The following KMT2C variants were observed in gnomAD, a reference collection of about 807,000 sequenced individuals.
The protein encoded by KMT2C is histone-lysine N-methyltransferase 2C.
KMT2C carries 88 observed loss-of-function variants against 507.9 expected under a neutral mutation model. That is an observed-to-expected ratio of 0.17 (90% CI 0.15 to 0.21). KMT2C has a LOEUF of 0.21. KMT2C is among the 10% of genes least tolerant of loss of function. The pLI, the probability that KMT2C is intolerant of heterozygous loss-of-function variation, is 1.00. For missense variants in KMT2C, 4,954 were observed against 5,957.8 expected, an observed-to-expected ratio of 0.83 and a Z score of 5.55; for synonymous variants, 2,049 against 2,080.8, an observed-to-expected ratio of 0.98 and a Z score of 0.42.
chr7:152,393,551 C>T (rs12333496), intron 1 of KMT2C, among the ~76,000 whole-genome samples: 5,712 of 152,252 alleles, frequency 0.038, 380 homozygotes, highest in African/African-American at 0.13. Flanking sequence ...AAGGAACATC[C>T]TTGCTCTCTC....
At chr7:152,294,414 CT>C (rs2096468291) in intron 6 of KMT2C, among the ~76,000 whole-genome samples, 1 of 152,134 alleles carries the variant, frequency 6.6e-6, no homozygotes, top group South Asian at 2.1e-4. Context: ...TTGACATTAG[CT>C]AACAATGTCA....
chr7:152,243,535 A>T (rs2095421114), intron 14 of KMT2C, among the ~76,000 whole-genome samples: 1 of 152,200 alleles, frequency 6.6e-6, no homozygotes, highest in African/African-American at 2.4e-5. Flanking sequence ...TAATCCCAGC[A>T]CTTTGGGAGG....
intron 1 of KMT2C, among the ~76,000 whole-genome samples, chr7:152,364,330 G>A (rs777690365): frequency 1.6e-4 from 24 of 152,180 alleles, no homozygotes; most frequent in Admixed American, 4.6e-4. Context: ...ATTTCAGGCC[G>A]GGTGTGGTGG....
rs540078472 is a variant in KMT2C, at chr7:152,421,910, A to G, written c.161+13716T>C. Among the ~76,000 whole-genome samples the G allele has an allele frequency of 6.6e-5, 10 of 152,314 alleles. No individual in the cohort carries two copies. In the East Asian group the frequency reaches 1.7e-3, roughly 26 times the overall value. On this transcript the variant is annotated intron_variant, in intron 1 of 58. Transcript: ENST00000262189. ...AAAATAAAAGCTGGAAGGAAAAAAA[A>G]CAAGTGGGAACTCAGGTTTATTAGA...
chr7:152,305,730 C>T (rs904228003), intron 6 of KMT2C, among the ~76,000 whole-genome samples: 1 of 152,130 alleles, frequency 6.6e-6, no homozygotes, highest in African/African-American at 2.4e-5. Flanking sequence ...TTCTTAGGAG[C>T]TCCTTCAGGT....
chr7:152,388,172 AT>A (rs1444893055), intron 1 of KMT2C, among the ~76,000 whole-genome samples: 1 of 152,244 alleles, frequency 6.6e-6, no homozygotes, highest in East Asian at 1.9e-4. Context: ...AATATATATA[AT>A]TTCATTAATT....
chr7:152,197,491 T>C (rs942174148), intron 27 of KMT2C, among the ~76,000 whole-genome samples: 6 of 152,206 alleles, frequency 3.9e-5, no homozygotes, highest in African/African-American at 1.2e-4. Flanking sequence ...ATATGTAACA[T>C]ATCACATTAA....
At position 152,163,402 on chromosome 7, in the gene KMT2C, C is replaced by T; in HGVS notation, c.10175G>A (p.Ser3392Asn). The T allele has an allele frequency of 6.2e-7, 1 of 1,614,210 alleles. No individual in the cohort carries two copies. The highest frequency in any genetic ancestry group is 1.1e-5 in the South Asian group (1 of 91,084). ...ACGTTCCCGTTCTTGAAAACTTTCACTAAAGGGATTGTTGTCATCAAATTC... is the reference window on the plus strand; with the variant it reads ...ACGTTCCCGTTCTTGAAAACTTTCATTAAAGGGATTGTTGTCATCAAATTC... ...RVEFDDNNPF[S>N]ESFQERERKE... Residue 3392 changes from serine (S) to asparagine (N), a missense_variant, in exon 43 of 59, where the codon AGT becomes AAT. Coordinates refer to ENST00000262189, the MANE Select transcript of KMT2C (RefSeq NM_170606.3).
At chr7:152,376,979 G>C (rs2097333242) in intron 1 of KMT2C, among the ~76,000 whole-genome samples, 1 of 152,084 alleles carries the variant, frequency 6.6e-6, no homozygotes, top group Non-Finnish European at 1.5e-5. Flanking sequence ...GAGCCCAGGA[G>C]TTCAAGGCCA....
chr7:152,258,972 T>C lies in KMT2C; in HGVS notation c.1299+4044A>G, dbSNP rs2095709994. Reference sequence around the variant, plus strand: ...CAACAGCCTGACCAGGTGATTCCCATGAGGGAAAGTGGAATAATGTGTGCT... The same window carrying C: ...CAACAGCCTGACCAGGTGATTCCCACGAGGGAAAGTGGAATAATGTGTGCT... On this transcript the variant is annotated intron_variant, in intron 9 of 58. Coordinates refer to ENST00000262189, the MANE Select transcript of KMT2C (RefSeq NM_170606.3). Among the ~76,000 whole-genome samples the C allele has an allele frequency of 2.6e-5, 4 of 152,246 alleles. 1 individual carries two copies. In the South Asian group the frequency reaches 8.3e-4, roughly 32 times the overall value.
rs1021421694 is a variant in KMT2C at position 152,177,984 on chromosome 7, C to T, written c.7469G>A (p.Gly2490Asp). The change falls in exon 38 of 59, where the codon GGT becomes GAT. Residue 2490 changes from glycine (G) to aspartate (D), a missense_variant. By Grantham distance (94) the Gly-to-Asp change is moderately conservative. Coordinates refer to ENST00000262189, the MANE Select transcript of KMT2C (RefSeq NM_170606.3). Reference protein sequence around the residue: ...FRFGFPGGSHGTMPSQERFLV... With the variant: ...FRFGFPGGSHDTMPSQERFLV... The stretch of plus-strand genomic sequence containing the variant: ...GAAGCGCTCTTGACTCGGCATGGTA[C>T]CATGACTACCTCCTGGAAATCCAAA... The T allele has an allele frequency of 7.5e-5, 88 of 1,179,304 alleles. No individual in the cohort carries two copies. Among genetic ancestry groups the T allele is most frequent in the Non-Finnish European group, 9.0e-5 (82 of 912,626 alleles). 73.1% of individuals were successfully genotyped at this position (1,179,304 alleles called of 1,614,324 possible).
Position 152,148,331 on chromosome 7 carries a change from C to T in KMT2C, c.13596G>A (p.Val4532=), listed in dbSNP as rs1354091510. The T allele has an allele frequency of 2.5e-6, 4 of 1,614,262 alleles. No homozygotes were observed. The East Asian group carries it at 8.9e-5, about 36-fold the overall frequency. ...FRRVYVQRDE[V]RQIASIVQRG... is the part of the protein sequence containing the mutation. ...GTTGCACGATGCTAGCAATCTGTCGCACCTCATCACGCTGAACATAGACCC... is the reference window on the plus strand; with the variant it reads ...GTTGCACGATGCTAGCAATCTGTCGTACCTCATCACGCTGAACATAGACCC... The change falls in exon 52 of 59, where the codon GTG becomes GTA. Residue 4532 remains valine (V), a synonymous_variant. Coordinates refer to ENST00000262189, the MANE Select transcript of KMT2C (RefSeq NM_170606.3). This position sits in a 1 kb window ranked among gnomAD's most constrained non-coding sequence, Gnocchi z 7.1.
intron 55 of KMT2C, among the ~76,000 whole-genome samples, chr7:152,143,622 A>G (rs2129091983): frequency 6.6e-6 from 1 of 152,358 alleles, no homozygotes; most frequent in South Asian, 2.1e-4. Flanking sequence ...CAGAACTTGC[A>G]AAAGAATGAA....
chr7:152,173,449 G>A (rs972722325), intron 39 of KMT2C, among the ~76,000 whole-genome samples: 2 of 152,072 alleles, frequency 1.3e-5, no homozygotes, highest in African/African-American at 4.8e-5. Flanking sequence ...TATTTAGTAG[G>A]TCTGCAGTAG....
At chr7:152,221,406 A>T (rs537080402) in intron 22 of KMT2C, among the ~76,000 whole-genome samples, 2 of 152,256 alleles carry the variant, frequency 1.3e-5, no homozygotes, top group African/African-American at 4.8e-5. Context: ...AGAAGAGAGA[A>T]TACTCCAGAA....
At chr7:152,255,157 A>ATATATGTG (rs767823858) in intron 9 of KMT2C, among the ~76,000 whole-genome samples, 13 of 128,376 alleles carry the variant, frequency 1.0e-4, no homozygotes, top group African/African-American at 3.6e-4. Flanking sequence ...ATATATATAT[A>ATATATGTG]TGTGTGTGTG....
chr7:152,300,836 G>A (rs2129192935), intron 6 of KMT2C, among the ~76,000 whole-genome samples: 1 of 152,022 alleles, frequency 6.6e-6, no homozygotes, highest in Admixed American at 6.6e-5. Context: ...GAGGCGGGTG[G>A]ATCACGAGGT....
rs1480288400 is a variant in KMT2C at position 152,187,744 on chromosome 7, T to C, written c.4764A>G (p.Ala1588=). 1 of 1,614,022 alleles carries C rather than the reference T, an allele frequency of 6.2e-7. No individual in the cohort carries two copies. The highest frequency in any genetic ancestry group is 8.5e-7 in the Non-Finnish European group (1 of 1,180,026). ...CATCAGGATAAGAGGATTGTGCAAT[T>C]GCAGAGAAAGTTCCCAGTCCGCTTC... ...PPGSGLGTFS[A]IAQSSYPDAR... The change falls in exon 32 of 59, where the codon GCA becomes GCG. Residue 1588 remains alanine (A), a synonymous_variant. Transcript: ENST00000262189.
chr7:152,318,730 A>C (rs1450515927), intron 3 of KMT2C, among the ~76,000 whole-genome samples: 1 of 152,082 alleles, frequency 6.6e-6, no homozygotes, highest in East Asian at 1.9e-4. Context: ...AGAGGTAAAA[A>C]GATACCAGGC....
Sources: allele counts gnomAD v4.1 joint callset (sites outside exome capture counted in the v4.1 genomes callset), GRCh38; gene constraint gnomAD v4.1.1; non-coding constraint Gnocchi (gnomAD v3.1); transcripts MANE v1.5; gene names NCBI Gene and HGNC (gene_info 2026-07-23, HGNC 2026-07-21).